Variants in MYBPC1 observed in about 807,000 individuals in gnomAD.
MYBPC1 encodes the protein myosin-binding protein C, slow-type.
Under a neutral mutation model 147.1 loss-of-function variants are expected in MYBPC1, and 52 were observed. The ratio of observed to expected loss-of-function variants is 0.35; its 90% CI spans 0.28 to 0.45. The LOEUF (loss-of-function observed/expected upper bound fraction) is 0.45, where lower values mean the gene tolerates loss of function less well. Ranked by LOEUF, MYBPC1 falls within the 20% of genes least tolerant of loss-of-function variation. MYBPC1 has a pLI of 1.00. For synonymous variants in MYBPC1, 477 were observed against 475.9 expected (o/e 1.00, Z -0.03); for missense variants, 1,228 against 1,440.3 (o/e 0.85, Z 2.39).
At chr12:101,623,060 G>A (rs757200813) in intron 3 of MYBPC1, among the ~76,000 whole-genome samples, 9 of 152,050 alleles carry the variant, frequency 5.9e-5, no homozygotes, top group Non-Finnish European at 1.3e-4. Flanking sequence ...TGCCGGCCAG[G>A]TGCTGTGCCT....
intron 27 of MYBPC1, among the ~76,000 whole-genome samples, chr12:101,677,733 C>T (rs1900311954): frequency 6.6e-6 from 1 of 152,134 alleles, no homozygotes; most frequent in African/African-American, 2.4e-5. Flanking sequence ...ACACATGGGA[C>T]CCACTCTGTG....
intron 3 of MYBPC1, among the ~76,000 whole-genome samples, chr12:101,621,791 A>G (rs1887461074): frequency 6.7e-6 from 1 of 149,078 alleles, no homozygotes; most frequent in Non-Finnish European, 1.5e-5. Flanking sequence ...TACACATTCT[A>G]CTATCTCTGG....
chr12:101,646,599 A>ACTGCACTC, intron 12 of MYBPC1, 164 bp from the exon 13 acceptor site: 1 of 740,202 alleles, frequency 1.4e-6, no homozygotes, highest in South Asian at 1.7e-5. Context: ...TGTTTGCACC[A>ACTGCACTC]CTGCACTCCT....
chr12:101,646,747 A>G lies in MYBPC1; in HGVS notation c.966-16A>G, dbSNP rs1471013199. 6.2e-7 allele frequency: 1 copy of G among 1,612,262 alleles called. No individual in the cohort carries two copies. Among genetic ancestry groups the G allele is most frequent in the Admixed American group, 1.7e-5 (1 of 60,026 alleles). On this transcript the variant is annotated splice_polypyrimidine_tract_variant and intron_variant, in intron 12 of 31. Coordinates refer to ENST00000361466, the MANE Select transcript of MYBPC1 (RefSeq NM_002465.4). ...ACATTCACAGACTCTGTTTATTTTC[A>G]TCCTATTCAAAACAGATACATCTTT...
At position 101,595,120 on chromosome 12, in the gene MYBPC1, T is replaced by C. The variant is rs372470113; in HGVS notation, c.25+25T>C. ...GGTAAGACTTATCTAGAAATCTTTT[T>C]GTTGTACTCCTGAATAAAGTGTTTA... On this transcript the variant is annotated intron_variant, in intron 1 of 31. Transcript: ENST00000361466. 3.1e-6 allele frequency: 5 copies of C among 1,594,886 alleles called. No homozygotes were observed. The African/African-American group carries it at 6.7e-5, about 21-fold the overall frequency.
chr12:101,664,874 C>T (rs1457063643), intron 22 of MYBPC1, among the ~76,000 whole-genome samples: 1 of 152,178 alleles, frequency 6.6e-6, no homozygotes, highest in African/African-American at 2.4e-5. Flanking sequence ...TTCTTGAGCA[C>T]TTCAGTTTAT....
chr12:101,675,453 T>C (rs188332275), intron 26 of MYBPC1, 22 bp downstream of exon 26: 736 of 1,613,934 alleles, frequency 4.6e-4, no homozygotes, highest in Admixed American at 4.7e-4. Flanking sequence ...CTTTCTCTGG[T>C]TCATCAGTAG....
In MYBPC1 at chr12:101,673,786, C is replaced by A. The variant is rs1316209157; in HGVS notation, c.2809+164C>A. 1.3e-5 allele frequency among the ~76,000 whole-genome samples: 2 copies of A among 152,176 alleles called. 1 individual carries two copies. Among genetic ancestry groups the A allele is most frequent in the South Asian group, 4.1e-4 (2 of 4,826 alleles). On this transcript the variant is annotated intron_variant, in intron 25 of 31. Transcript: ENST00000361466. ...AGATAAATTAGGCTGGGCGTGGTAG[C>A]TTACACCTGTAATCCCAGTACTTTG...
intron 1 of MYBPC1, among the ~76,000 whole-genome samples, chr12:101,604,854 G>A (rs993935242): frequency 3.3e-5 from 5 of 152,082 alleles, no homozygotes; most frequent in East Asian, 1.9e-4. Flanking sequence ...TATTATAGAC[G>A]CCATTCCAGG....
chr12:101,678,676 A>T (rs1900649554), intron 28 of MYBPC1, among the ~76,000 whole-genome samples: 1 of 152,214 alleles, frequency 6.6e-6, no homozygotes, highest in South Asian at 2.1e-4. Flanking sequence ...ACAGTGTGCT[A>T]AGAAGGGAGC....
chr12:101,672,467 GT>G (rs1424772812), intron 24 of MYBPC1, among the ~76,000 whole-genome samples: 7 of 152,186 alleles, frequency 4.6e-5, no homozygotes, highest in Non-Finnish European at 8.8e-5. Context: ...TTAAAGAATA[GT>G]TTCAACAGCG....
Position 101,624,683 on chromosome 12 carries a change from A to ATTTTTTTTTTTTTTTT in MYBPC1, c.104-2178_104-2163dup, listed in dbSNP as rs57175970. ...AATAATATACAAGCCCGGCTAATTA[A>ATTTTTTTTTTTTTTTT]TTTTTTTTTTTTTTTTTTTTTTTTT... On this transcript the variant is annotated intron_variant, in intron 3 of 31. Transcript: ENST00000361466. Among the ~76,000 whole-genome samples, 9 of 99,104 alleles carry ATTTTTTTTTTTTTTTT rather than the reference A, an allele frequency of 9.1e-5. 1 individual carries two copies. Among genetic ancestry groups the ATTTTTTTTTTTTTTTT allele is most frequent in the East Asian group, 2.9e-4 (1 of 3,468 alleles). The allele number at this position is 99,104 out of a possible 152,430, so 65.0% of individuals were successfully genotyped here.
At chr12:101,639,612 A>C (rs1289396312) in intron 10 of MYBPC1, among the ~76,000 whole-genome samples, 2 of 152,210 alleles carry the variant, frequency 1.3e-5, no homozygotes, top group Admixed American at 1.3e-4. Context: ...TGGCATTTTA[A>C]TGAAAACTGG....
At chr12:101,645,037 TTG>T (rs1189520421) in intron 12 of MYBPC1, among the ~76,000 whole-genome samples, 2 of 152,330 alleles carry the variant, frequency 1.3e-5, no homozygotes, top group African/African-American at 2.4e-5. Flanking sequence ...AATTATGGTT[TTG>T]TGTCGCTATA....
intron 4 of MYBPC1, 84 bp downstream of exon 4, chr12:101,626,994 T>TCAC: frequency 1.5e-6 from 2 of 1,306,856 alleles, no homozygotes; most frequent in Non-Finnish European, 2.2e-6. Context: ...GTGAGCCTCC[T>TCAC]TGCTGAGTCA....
At chr12:101,609,708 G>T (rs1156287660) in intron 1 of MYBPC1, among the ~76,000 whole-genome samples, 1 of 152,220 alleles carries the variant, frequency 6.6e-6, no homozygotes, top group Non-Finnish European at 1.5e-5. Context: ...TGTTTTAAGA[G>T]TGCAGAGTGA....
At chr12:101,617,029 C>A in intron 2 of MYBPC1, 173 bp from the exon 3 acceptor site, 2 of 630,220 alleles carry the variant, frequency 3.2e-6, no homozygotes, top group South Asian at 2.1e-5. Flanking sequence ...TTTAGTGTGG[C>A]TCTAAGTTAT....
At chr12:101,612,374 A>G (rs774918057) in intron 1 of MYBPC1, among the ~76,000 whole-genome samples, 5 of 152,190 alleles carry the variant, frequency 3.3e-5, no homozygotes, top group Non-Finnish European at 5.9e-5. Flanking sequence ...TGACTCCATC[A>G]CATGTTCAGA....
At position 101,678,217 on chromosome 12, in the gene MYBPC1, C is replaced by T. The variant is rs1391303830; in HGVS notation, c.3225C>T (p.Cys1075=). ...CTGGTTACAATGCCACCCTAAACTG[C>T]AGTGTGAGAGGAAATCCTAAGGTAC... ...AIAGYNATLN[C]SVRGNPKPKI... Residue 1075 remains cysteine, a synonymous_variant, in exon 28 of 32, where the codon TGC becomes TGT. Transcript: ENST00000361466. 8 of 1,614,128 alleles carry T rather than the reference C, an allele frequency of 5.0e-6. No individual in the cohort carries two copies. In the Admixed American group the frequency reaches 1.0e-4, roughly 20 times the overall value.
Sources: gnomAD v4.1 joint callset for allele counts (sites outside exome capture counted in the v4.1 genomes callset) on GRCh38, gnomAD v4.1.1 for gene constraint, MANE v1.5 for transcripts, NCBI Gene and HGNC (gene_info 2026-07-23, HGNC 2026-07-21) for gene names.